Variants in FOXP4 observed in about 807,000 individuals in gnomAD.
The protein encoded by FOXP4 is forkhead box P4.
A neutral mutation model predicts 82.6 loss-of-function variants in FOXP4; 25 were observed. The observed-to-expected ratio is 0.30, with a 90% CI of 0.22 to 0.42. The LOEUF (loss-of-function observed/expected upper bound fraction) is 0.42, where lower values mean the gene tolerates loss of function less well. Among genes scored for constraint, FOXP4 ranks in the 10% least tolerant of loss-of-function variants. The probability of loss-of-function intolerance (pLI) is 1.00; values close to 1 mark genes in which losing one functional copy is unlikely to be tolerated. For synonymous variants in FOXP4, 415 were observed against 388.2 expected (o/e 1.07, Z -0.81); for missense variants, 785 against 900.9 (o/e 0.87, Z 1.65).
chr6:41,551,288 G>T (rs1021722703), intron 1 of FOXP4, among the ~76,000 whole-genome samples: 1 of 152,202 alleles, frequency 6.6e-6, no homozygotes, highest in Admixed American at 6.5e-5. Flanking sequence ...TGTTGCTGTG[G>T]TGTGTCGCCC....
intron 2 of FOXP4, among the ~76,000 whole-genome samples, chr6:41,577,554 G>C (rs187395277): frequency 1.4e-3 from 206 of 152,272 alleles, no homozygotes; most frequent in Non-Finnish European, 2.4e-3. Context: ...TCTGCAAAAT[G>C]GGGCAATAAT....
chr6:41,585,762 A>ATT (rs1383493180), intron 5 of FOXP4, among the ~76,000 whole-genome samples: 1 of 151,944 alleles, frequency 6.6e-6, no homozygotes, highest in Non-Finnish European at 1.5e-5. Context: ...ACATGGGTGT[A>ATT]GACAGGTGTG....
intron 3 of FOXP4, among the ~76,000 whole-genome samples, chr6:41,579,070 C>T (rs1765657339): frequency 6.6e-6 from 1 of 152,044 alleles, no homozygotes; most frequent in South Asian, 2.1e-4. Flanking sequence ...AGGCTTTGTC[C>T]TGGGTGGAGA....
At chr6:41,585,104 C>T (rs1229559152) in intron 4 of FOXP4, among the ~76,000 whole-genome samples, 3 of 152,164 alleles carry the variant, frequency 2.0e-5, no homozygotes, top group Non-Finnish European at 4.4e-5. Flanking sequence ...CCCGGTCCTC[C>T]CTCCCTGCAT....
At position 41,593,823 on chromosome 6, in the gene FOXP4, A is replaced by C. The variant is rs1354716484; in HGVS notation, c.1537-1047A>C. 6.6e-6 allele frequency among the ~76,000 whole-genome samples: 1 copy of C among 152,200 alleles called. No individual in the cohort carries two copies. Among genetic ancestry groups the C allele is most frequent in the Non-Finnish European group, 1.5e-5 (1 of 68,030 alleles). On this transcript the variant is annotated intron_variant, in intron 13 of 16. Coordinates refer to ENST00000307972, the MANE Select transcript of FOXP4 (RefSeq NM_001012426.2). This position sits in a 1 kb window ranked among gnomAD's most constrained non-coding sequence, Gnocchi z 4.1. The stretch of plus-strand genomic sequence containing the variant: ...AAGTGGCAAGAGTTGGAAGGGAGAG[A>C]GGGAGAGGGATCTCCAGGGGCACGG...
At position 41,576,049 on chromosome 6, in the gene FOXP4, A is replaced by ACC. The variant is rs551678460; in HGVS notation, c.205-1927_205-1926dup. On this transcript the variant is annotated intron_variant, in intron 2 of 16. Transcript: ENST00000307972. ...GACTCCCTGCCCTTCCTCACCCGCA[A>ACC]CCCCCCCCCCCACCCTTCCTCCTCT... is the stretch of plus-strand genomic sequence containing the variant. Among the ~76,000 whole-genome samples the ACC allele has an allele frequency of 2.0e-3, 258 of 127,232 alleles. 1 individual carries two copies. The highest frequency in any genetic ancestry group is 4.5e-3 in the Middle Eastern group (1 of 222). The allele number at this position is 127,232 out of a possible 152,430, so 83.5% of individuals were successfully genotyped here. A position where few individuals can be genotyped will look rare whatever the true frequency, so the allele number is the denominator to read the frequency against.
intron 2 of FOXP4, among the ~76,000 whole-genome samples, chr6:41,573,772 T>G (rs76622749): frequency 0.038 from 5,845 of 152,120 alleles, 161 homozygotes; most frequent in South Asian, 0.075. Flanking sequence ...AAACGGAGGC[T>G]CAAAGAGATG....
intron 2 of FOXP4, among the ~76,000 whole-genome samples, chr6:41,577,616 G>C (rs1288797582): frequency 6.6e-6 from 1 of 152,168 alleles, no homozygotes; most frequent in Non-Finnish European, 1.5e-5. Context: ...TGCCTGTACA[G>C]TGCCTGACCC....
At chr6:41,568,377 A>C (rs1581729463) in intron 2 of FOXP4, among the ~76,000 whole-genome samples, 1 of 152,194 alleles carries the variant, frequency 6.6e-6, no homozygotes, top group African/African-American at 2.4e-5. Flanking sequence ...AGATGGCACA[A>C]TAAAGGCTGC....
chr6:41,590,009 C>G lies in FOXP4; in HGVS notation c.1196C>G (p.Ser399Cys), dbSNP rs747265802. Residue 399 changes from serine to cysteine, a missense_variant, in exon 11 of 17, where the codon TCT becomes TGT. Ser to Cys is a moderately radical substitution (Grantham distance 112). Transcript: ENST00000307972. ...TCCTCATTCTCCAAGGTGACCGTCTCTGCAGCAGACTCATTCCCAGATGGT... is the reference window on the plus strand; with the variant it reads ...TCCTCATTCTCCAAGGTGACCGTCTGTGCAGCAGACTCATTCCCAGATGGT... ...GSSSFSKVTVSAADSFPDGLV... is the reference protein window; with the variant it reads ...GSSSFSKVTVCAADSFPDGLV... 3.7e-6 allele frequency: 6 copies of G among 1,613,898 alleles called. No homozygotes were observed. The highest frequency in any genetic ancestry group is 5.1e-6 in the Non-Finnish European group (6 of 1,179,996).
chr6:41,568,966 T>TG (rs1314102867), intron 2 of FOXP4, among the ~76,000 whole-genome samples: 1 of 152,100 alleles, frequency 6.6e-6, no homozygotes, highest in South Asian at 2.1e-4. Flanking sequence ...AAACAGAGGC[T>TG]GGGGGGTGAC....
intron 1 of FOXP4, among the ~76,000 whole-genome samples, chr6:41,551,886 CA>C (rs1428475416): frequency 6.6e-6 from 1 of 152,116 alleles, no homozygotes; most frequent in East Asian, 1.9e-4. Context: ...TGAAGGGCAG[CA>C]GGAGGGACCC....
Position 41,591,165 on chromosome 6 carries a change from G to A in FOXP4, c.1435-56G>A. ...GAGGTACTGGGGGAGGGAACCCAGG[G>A]CTGTGACCCTTCGAGGCCCAGGCTG... On this transcript the variant is annotated intron_variant, in intron 12 of 16. Coordinates refer to ENST00000307972, the MANE Select transcript of FOXP4 (RefSeq NM_001012426.2). The surrounding 1 kb of genome is among the most constrained non-coding windows in gnomAD (Gnocchi z 4.2). The A allele has an allele frequency of 1.4e-6, 2 of 1,453,394 alleles. No homozygotes were observed. Among genetic ancestry groups the A allele is most frequent in the South Asian group, 2.4e-5 (2 of 82,828 alleles). 90.0% of individuals were successfully genotyped at this position (1,453,394 alleles called of 1,614,324 possible).
chr6:41,596,351 AAGGAG>A (rs748897436), intron 14 of FOXP4, among the ~76,000 whole-genome samples: 5 of 152,108 alleles, frequency 3.3e-5, no homozygotes, highest in African/African-American at 1.2e-4. Context: ...GCCCCTGGGT[AAGGAG>A]AGGAGAGCAA....
intron 2 of FOXP4, 122 bp from the exon 3 acceptor site, chr6:41,577,864 T>G: frequency 1.5e-6 from 1 of 659,358 alleles, no homozygotes. Flanking sequence ...CCCATGACCC[T>G]CTCACCCCCA....
chr6:41,589,065 C>T (rs1430808595), intron 9 of FOXP4, among the ~76,000 whole-genome samples: 2 of 152,254 alleles, frequency 1.3e-5, no homozygotes, highest in Admixed American at 1.3e-4. Flanking sequence ...AAGGAATCCT[C>T]TCAACAACCT....
chr6:41,581,840 C>T (rs1014089268), intron 3 of FOXP4, among the ~76,000 whole-genome samples: 6 of 152,252 alleles, frequency 3.9e-5, no homozygotes, highest in Admixed American at 1.3e-4. Flanking sequence ...GTCATCTCTT[C>T]CATTCCCCTG....
chr6:41,579,876 T>G (rs907672508), intron 3 of FOXP4, among the ~76,000 whole-genome samples: 22 of 152,178 alleles, frequency 1.4e-4, no homozygotes, highest in Non-Finnish European at 2.8e-4. Context: ...CACTAAGCGC[T>G]TTACAGCTAT....
chr6:41,583,966 T>C (rs1019661725), intron 3 of FOXP4, among the ~76,000 whole-genome samples: 2 of 152,220 alleles, frequency 1.3e-5, no homozygotes, highest in Non-Finnish European at 2.9e-5. Context: ...TAGTCTCTTA[T>C]GTTTTATGTT....
Sources: gnomAD v4.1 joint callset for allele counts (sites outside exome capture counted in the v4.1 genomes callset) on GRCh38, gnomAD v4.1.1 for gene constraint, Gnocchi (gnomAD v3.1) non-coding constraint, MANE v1.5 for transcripts, NCBI Gene and HGNC (gene_info 2026-07-23, HGNC 2026-07-21) for gene names.